Variants in DPY19L1 observed in about 807,000 individuals in gnomAD.
DPY19L1 encodes dpy-19 like C-mannosyltransferase 1.
Under a neutral mutation model 96.9 loss-of-function variants are expected in DPY19L1, and 35 were observed. That is an observed-to-expected ratio of 0.36 (90% CI 0.28 to 0.48). The LOEUF (loss-of-function observed/expected upper bound fraction) is 0.48. DPY19L1 is among the 20% of genes least tolerant of loss of function. DPY19L1 has a pLI of 0.99. For synonymous variants in DPY19L1, 205 were observed against 252.6 expected, an observed-to-expected ratio of 0.81 and a Z score of 1.79; for missense variants, 521 against 777.9, an observed-to-expected ratio of 0.67 and a Z score of 3.93.
At chr7:34,934,042 C>T (rs1301056021) in intron 21 of DPY19L1, among the ~76,000 whole-genome samples, 1 of 152,074 alleles carries the variant, frequency 6.6e-6, no homozygotes, top group Non-Finnish European at 1.5e-5. Context: ...CGGCTCACTG[C>T]AAGCTCCACC....
intron 18 of DPY19L1, among the ~76,000 whole-genome samples, chr7:34,941,562 T>C (rs1036396405): frequency 5.9e-5 from 9 of 152,208 alleles, no homozygotes; most frequent in South Asian, 2.1e-4. Context: ...TCGGTATTAG[T>C]TGTACACCAA....
intron 15 of DPY19L1, 151 bp from the exon 16 acceptor site, chr7:34,945,867 T>C (rs1784134828): frequency 1.6e-6 from 1 of 642,958 alleles, no homozygotes; most frequent in East Asian, 2.8e-5. Flanking sequence ...CATAATCTTA[T>C]ATTTGTATAG....
At chr7:34,998,041 T>C (rs1231550374) in intron 6 of DPY19L1, among the ~76,000 whole-genome samples, 2 of 152,178 alleles carry the variant, frequency 1.3e-5, no homozygotes, top group African/African-American at 4.8e-5. Context: ...CCTCAGGGCT[T>C]CTGGAACATA....
At chr7:34,935,326 G>A (rs1783847146) in intron 21 of DPY19L1, among the ~76,000 whole-genome samples, 1 of 151,880 alleles carries the variant, frequency 6.6e-6, no homozygotes. Flanking sequence ...GTTTCCCCAG[G>A]CCAGCCATCT....
intron 7 of DPY19L1, among the ~76,000 whole-genome samples, chr7:34,985,136 A>G (rs1785020810): frequency 6.6e-6 from 1 of 152,172 alleles, no homozygotes; most frequent in Admixed American, 6.6e-5. Context: ...TTTCATTTGT[A>G]AAAGATAAAT....
intron 6 of DPY19L1, among the ~76,000 whole-genome samples, chr7:35,005,671 G>A (rs1354622916): frequency 1.3e-5 from 2 of 150,492 alleles, no homozygotes; most frequent in Non-Finnish European, 3.0e-5. Flanking sequence ...AAATTAGCCA[G>A]GTGTGGTGGT....
At chr7:35,026,900 T>C (rs1786132599) in intron 1 of DPY19L1, among the ~76,000 whole-genome samples, 1 of 152,158 alleles carries the variant, frequency 6.6e-6, no homozygotes, top group African/African-American at 2.4e-5. Flanking sequence ...TCACCAAGTA[T>C]AAAAGTGAGG....
intron 1 of DPY19L1, among the ~76,000 whole-genome samples, chr7:35,026,601 G>A (rs981331865): frequency 5.3e-5 from 8 of 152,120 alleles, no homozygotes; most frequent in African/African-American, 1.9e-4. Context: ...GAGAAGCAGT[G>A]TCATTATGTC....
intron 4 of DPY19L1, 128 bp downstream of exon 4, chr7:35,013,440 T>C: frequency 4.5e-6 from 3 of 667,060 alleles, no homozygotes; most frequent in Non-Finnish European, 7.2e-6. Context: ...CTCCACAAGA[T>C]ACATATTTTC....
chr7:34,998,481 C>T (rs1484544111), intron 6 of DPY19L1, among the ~76,000 whole-genome samples: 6 of 152,196 alleles, frequency 3.9e-5, no homozygotes, highest in Non-Finnish European at 8.8e-5. Context: ...AAAGTGTGTG[C>T]TCAGCCCTCA....
intron 13 of DPY19L1, 101 bp downstream of exon 13, chr7:34,954,597 C>T: frequency 1.6e-6 from 1 of 639,784 alleles, no homozygotes; most frequent in Non-Finnish European, 2.7e-6. Flanking sequence ...CAGACTTCAT[C>T]CTAGAATTTC....
intron 6 of DPY19L1, among the ~76,000 whole-genome samples, chr7:34,997,609 C>CAAAAAAA (rs3048611): frequency 2.6e-5 from 2 of 75,654 alleles, no homozygotes; most frequent in Non-Finnish European, 2.6e-5. Context: ...GACTCCGTCT[C>CAAAAAAA]AAAAAAAAAA....
chr7:35,035,140 G>C (rs1241520826), intron 1 of DPY19L1, among the ~76,000 whole-genome samples: 1 of 152,186 alleles, frequency 6.6e-6, no homozygotes, highest in Non-Finnish European at 1.5e-5. Flanking sequence ...AGGTGCCCTG[G>C]GGCCTCATGC....
intron 14 of DPY19L1, 68 bp downstream of exon 14, chr7:34,949,729 A>C: frequency 1.0e-6 from 1 of 954,526 alleles, no homozygotes; most frequent in Non-Finnish European, 1.6e-6. Context: ...CTGATATAAG[A>C]GGAGCACTCC....
intron 10 of DPY19L1, among the ~76,000 whole-genome samples, chr7:34,959,911 ATAT>A (rs376372457): frequency 0.47 from 62,546 of 134,398 alleles, 14,508 homozygotes; most frequent in Admixed American, 0.62. Context: ...ATATATATAT[ATAT>A]ATATATATAT....
At chr7:35,000,116 G>C (rs1785387150) in intron 6 of DPY19L1, among the ~76,000 whole-genome samples, 1 of 152,114 alleles carries the variant, frequency 6.6e-6, no homozygotes, top group Non-Finnish European at 1.5e-5. Context: ...CCATTGTAGA[G>C]CACATTAATA....
chr7:35,018,542 A>C, intron 2 of DPY19L1, 30 bp downstream of exon 2: 1 of 1,598,098 alleles, frequency 6.3e-7, no homozygotes, highest in Non-Finnish European at 8.5e-7. Context: ...CGTCTGCATA[A>C]AATACCATAG....
chr7:35,009,284 C>T (rs1268124011), intron 6 of DPY19L1, among the ~76,000 whole-genome samples: 1 of 152,162 alleles, frequency 6.6e-6, no homozygotes, highest in Non-Finnish European at 1.5e-5. Context: ...AATTCAAACT[C>T]ATTATCCCAA....
chr7:34,998,225 T>C (rs1255258422), intron 6 of DPY19L1, among the ~76,000 whole-genome samples: 2 of 152,168 alleles, frequency 1.3e-5, no homozygotes, highest in Admixed American at 6.5e-5. Flanking sequence ...TACTTATGTC[T>C]ACAAAAGGAC....
Sources: gnomAD v4.1 joint callset for allele counts (sites outside exome capture counted in the v4.1 genomes callset) on GRCh38, gnomAD v4.1.1 for gene constraint, MANE v1.5 for transcripts, NCBI Gene and HGNC (gene_info 2026-07-23, HGNC 2026-07-21) for gene names.